The following AHCTF1 variants were observed in gnomAD, a reference collection of about 807,000 sequenced individuals.
The protein encoded by AHCTF1 is AT-hook containing transcription factor 1, also known as protein ELYS.
In AHCTF1, 24 loss-of-function variants were observed where a neutral mutation model predicts 248.4. The observed-to-expected ratio is 0.10, with a 90% confidence interval of 0.07 to 0.14. The LOEUF (loss-of-function observed/expected upper bound fraction) is 0.14. AHCTF1 is among the 10% of genes least tolerant of loss of function. The pLI is 1.00. For synonymous variants in AHCTF1, 786 were observed against 929.8 expected, an observed-to-expected ratio of 0.85 and a Z score of 2.81; for missense variants, 2,206 against 2,636.2, an observed-to-expected ratio of 0.84 and a Z score of 3.57.
At chr1:246,929,730 A>T (rs1667191862) in intron 1 of AHCTF1, among the ~76,000 whole-genome samples, 1 of 152,238 alleles carries the variant, frequency 6.6e-6, no homozygotes, top group African/African-American at 2.4e-5. Flanking sequence ...GGTAGGCGTG[A>T]AAGACACAAC....
At chr1:246,897,424 T>C (rs1664662011) in intron 12 of AHCTF1, among the ~76,000 whole-genome samples, 1 of 152,206 alleles carries the variant, frequency 6.6e-6, no homozygotes, top group South Asian at 2.1e-4. Flanking sequence ...AAAAATGAAT[T>C]GCATTTTTCC....
At position 246,858,420 on chromosome 1, in the gene AHCTF1, G is replaced by A. The variant is rs142622327; in HGVS notation, c.4133-606C>T. 3.3e-5 allele frequency among the ~76,000 whole-genome samples: 5 copies of A among 152,278 alleles called. No individual in the cohort carries two copies. The South Asian group carries it at 6.2e-4, about 19-fold the overall frequency. On this transcript the variant is annotated intron_variant, in intron 29 of 35. Transcript: ENST00000648844. The stretch of plus-strand genomic sequence containing the variant: ...AGTAGATAAGAAAACTGAAGCCTAA[G>A]GTTATACTGCGTATCCCAGCTCATG...
intron 21 of AHCTF1, among the ~76,000 whole-genome samples, chr1:246,880,950 A>G (rs949881218): frequency 2.0e-5 from 3 of 152,220 alleles, no homozygotes; most frequent in African/African-American, 4.8e-5. Flanking sequence ...TTAATAAGGA[A>G]TGCATGGGGG....
intron 4 of AHCTF1, among the ~76,000 whole-genome samples, chr1:246,909,985 AAAGG>A (rs1442965950): frequency 2.0e-5 from 3 of 152,214 alleles, no homozygotes; most frequent in Non-Finnish European, 4.4e-5. Context: ...CAGACTTTAA[AAAGG>A]AAGGATCATG....
intron 10 of AHCTF1, 22 bp from the exon 11 acceptor site, chr1:246,899,534 T>C (rs745421117): frequency 1.9e-6 from 3 of 1,585,532 alleles, no homozygotes; most frequent in South Asian, 1.1e-5. Context: ...ATTTAAAAAA[T>C]AATCCACTTA....
intron 33 of AHCTF1, among the ~76,000 whole-genome samples, chr1:246,848,194 C>T (rs1381214910): frequency 6.6e-6 from 1 of 152,020 alleles, no homozygotes; most frequent in African/African-American, 2.4e-5. Flanking sequence ...TTCTCCTGGG[C>T]TCAAACTGTA....
At position 246,900,054 on chromosome 1, in the gene AHCTF1, G is replaced by A. The variant is rs755259731; in HGVS notation, c.1432+11C>T. On this transcript the variant is annotated intron_variant, in intron 10 of 35. Transcript: ENST00000648844. ...ACTTTTCTTAAGAGGTAATGTTAAG[G>A]AAATACATACCAAAATTATAAGTGC... The A allele has an allele frequency of 9.4e-6, 15 of 1,598,688 alleles. No individual in the cohort carries two copies. The South Asian group carries it at 1.3e-4, about 13-fold the overall frequency.
rs1661584885 is a variant in AHCTF1, at chr1:246,861,945, A to G, written c.3735+14T>C. On this transcript the variant is annotated intron_variant, in intron 28 of 35. Coordinates refer to ENST00000648844, the MANE Select transcript of AHCTF1 (RefSeq NM_001323342.2). The stretch of plus-strand genomic sequence containing the variant: ...TTAAAAAATGTCTTTTCTCCCAATT[A>G]TTATCAAACTTACCCCAGGAATCCA... 6.3e-7 allele frequency: 1 copy of G among 1,597,490 alleles called. No individual in the cohort carries two copies.
At chr1:246,899,109 TC>T (rs1664815014) in intron 11 of AHCTF1, among the ~76,000 whole-genome samples, 1 of 152,110 alleles carries the variant, frequency 6.6e-6, no homozygotes, top group African/African-American at 2.4e-5. Flanking sequence ...AAAGTATTTT[TC>T]AAAATTCTTT....
Position 246,907,602 on chromosome 1 carries a change from C to G in AHCTF1, c.713G>C (p.Gly238Ala), listed in dbSNP as rs1414716591. Reference protein sequence around the residue: ...YISRTNQLAVGFSDGYLALWN... With the variant: ...YISRTNQLAVAFSDGYLALWN... ...AAGTGCTAGATAGCCATCAGAAAAACCTACAGCAAGCTGATTTGTCCTGCT... is the reference window on the plus strand; with the variant it reads ...AAGTGCTAGATAGCCATCAGAAAAAGCTACAGCAAGCTGATTTGTCCTGCT... Residue 238 changes from glycine to alanine, a missense_variant, in exon 5 of 36, where the codon GGT becomes GCT. By Grantham distance (60) the Gly-to-Ala change is moderately conservative. This residue lies in a region of AHCTF1 where 650 missense variants were observed against 870.8 expected (regional missense o/e 0.75). Transcript: ENST00000648844. The G allele has an allele frequency of 6.2e-7, 1 of 1,613,726 alleles. No individual in the cohort carries two copies. Among genetic ancestry groups the G allele is most frequent in the Non-Finnish European group, 8.5e-7 (1 of 1,179,808 alleles).
Position 246,840,908 on chromosome 1 carries a change from G to A in AHCTF1, c.6699C>T (p.Ser2233=). 1 of 1,612,912 alleles carries A rather than the reference G, an allele frequency of 6.2e-7. No individual in the cohort carries two copies. The highest frequency in any genetic ancestry group is 8.5e-7 in the Non-Finnish European group (1 of 1,179,458). ...TCACTTCTGTAGTTTTTCTTGGTTT[G>A]CTCTTGACTCCGTCAGCTGGGCTAG... ...PLASPADGVK[S]KPRKTTEVTG... Residue 2233 remains serine, a synonymous_variant, in exon 36 of 36, where the codon AGC becomes AGT. Coordinates refer to ENST00000648844, the MANE Select transcript of AHCTF1 (RefSeq NM_001323342.2).
chr1:246,904,879 T>C (rs1369461263), intron 6 of AHCTF1, among the ~76,000 whole-genome samples: 1 of 152,198 alleles, frequency 6.6e-6, no homozygotes, highest in East Asian at 1.9e-4. Context: ...CACTCCTTAG[T>C]CCTTTGCTGA....
chr1:246,878,396 CAAAAAAAAAAAAAAA>C (rs1199465751), intron 21 of AHCTF1, among the ~76,000 whole-genome samples: 5 of 30,776 alleles, frequency 1.6e-4, no homozygotes, highest in Admixed American at 1.0e-3. Context: ...GATTCTGTCT[CAAAAAAAAAAAAAAA>C]AAAAAAAAAA....
At chr1:246,876,257 A>T in intron 23 of AHCTF1, 70 bp from the exon 24 acceptor site, 1 of 1,310,934 alleles carries the variant, frequency 7.6e-7, no homozygotes, top group South Asian at 2.0e-5. Flanking sequence ...TATATTTACC[A>T]TTTAAAATAA....
chr1:246,902,344 T>C (rs1409612932), intron 8 of AHCTF1, among the ~76,000 whole-genome samples, 181 bp downstream of exon 8: 1 of 152,224 alleles, frequency 6.6e-6, no homozygotes, highest in Non-Finnish European at 1.5e-5. Context: ...TTTTATTGTT[T>C]AGTTATACAT....
At chr1:246,892,563 C>T (rs963360288) in intron 14 of AHCTF1, among the ~76,000 whole-genome samples, 4 of 151,836 alleles carry the variant, frequency 2.6e-5, no homozygotes, top group African/African-American at 4.8e-5. Context: ...TCAGGTGATC[C>T]GCCCGCCTCG....
intron 20 of AHCTF1, among the ~76,000 whole-genome samples, chr1:246,886,210 AG>A (rs1232152643): frequency 1.3e-5 from 2 of 152,178 alleles, no homozygotes; most frequent in Admixed American, 1.3e-4. Flanking sequence ...GCGTACCTAT[AG>A]TCCCAGCTAC....
chr1:246,921,011 G>C (rs1037940615), intron 1 of AHCTF1, among the ~76,000 whole-genome samples: 66 of 151,798 alleles, frequency 4.3e-4, no homozygotes, highest in African/African-American at 1.6e-3. Context: ...AGAATCGCTT[G>C]AACCTGGGAG....
chr1:246,851,553 A>G, intron 32 of AHCTF1, 111 bp from the exon 33 acceptor site: 1 of 915,344 alleles, frequency 1.1e-6, no homozygotes, highest in Admixed American at 2.9e-5. Context: ...AACATAAATT[A>G]TATTTAATAT....
Sources: allele counts gnomAD v4.1 joint callset (sites outside exome capture counted in the v4.1 genomes callset), GRCh38; gene constraint gnomAD v4.1.1; regional missense constraint gnomAD v4.1.1; transcripts MANE v1.5; gene names NCBI Gene and HGNC (gene_info 2026-07-23, HGNC 2026-07-21).